The following DROSHA variants were observed in gnomAD, a reference collection of about 807,000 sequenced individuals.
DROSHA encodes the protein ribonuclease 3.
A neutral mutation model predicts 181.9 loss-of-function variants in DROSHA; 56 were observed. The observed-to-expected ratio is 0.31, with a 90% CI of 0.25 to 0.38. The LOEUF (loss-of-function observed/expected upper bound fraction) is 0.38, where lower values mean the gene tolerates loss of function less well. Ranked by LOEUF, DROSHA falls within the 10% of genes least tolerant of loss-of-function variation. The pLI, the probability that DROSHA is intolerant of heterozygous loss-of-function variation, is 1.00. For synonymous variants in DROSHA, 524 were observed against 591.2 expected (o/e 0.89, Z 1.65); for missense variants, 1,218 against 1,743.5 (o/e 0.70, Z 5.37).
rs543495861 is a variant in DROSHA at position 31,469,399 on chromosome 5, A to G, written c.2242-1336T>C. ...AAAAAAAAAACCCCTCAAACTTTTTAAGTGTCATTTAACAAACAAAATGTC... is the reference window on the plus strand; with the variant it reads ...AAAAAAAAAACCCCTCAAACTTTTTGAGTGTCATTTAACAAACAAAATGTC... On this transcript the variant is annotated intron_variant, in intron 17 of 35. Coordinates refer to ENST00000344624, the MANE Select transcript of DROSHA (RefSeq NM_001382508.1). 3.0e-3 allele frequency among the ~76,000 whole-genome samples: 462 copies of G among 152,286 alleles called. 1 individual carries two copies. The highest frequency in any genetic ancestry group is 4.8e-3 in the Non-Finnish European group (326 of 68,014).
chr5:31,502,278 T>TC (rs779517551), intron 11 of DROSHA, among the ~76,000 whole-genome samples: 14 of 152,238 alleles, frequency 9.2e-5, no homozygotes, highest in Admixed American at 6.5e-4. Flanking sequence ...GCCATATGTT[T>TC]CGGCAGATCC....
At position 31,409,739 on chromosome 5, in the gene DROSHA, T is replaced by C. The variant is rs73745744; in HGVS notation, c.3668-407A>G. On this transcript the variant is annotated intron_variant, in intron 31 of 35. Coordinates refer to ENST00000344624, the MANE Select transcript of DROSHA (RefSeq NM_001382508.1). The surrounding 1 kb of genome is among the most constrained non-coding windows in gnomAD (Gnocchi z 4.0). ...GCCATTTTCAACACCAATCCTGAGATCCCCTGTTTTTAAGGATTCTATGTT... is the reference window on the plus strand; with the variant it reads ...GCCATTTTCAACACCAATCCTGAGACCCCCTGTTTTTAAGGATTCTATGTT... Among the ~76,000 whole-genome samples, 3,899 of 152,258 alleles carry C rather than the reference T, an allele frequency of 0.026. 162 individuals carry two copies. The highest frequency in any genetic ancestry group is 0.087 in the African/African-American group (3,626 of 41,530).
chr5:31,458,105 A>G (rs754161940), intron 20 of DROSHA, among the ~76,000 whole-genome samples: 2 of 152,230 alleles, frequency 1.3e-5, no homozygotes, highest in Non-Finnish European at 2.9e-5. Context: ...TGACTTTACA[A>G]TGACATGTAA....
chr5:31,426,314 C>A (rs1300382333), intron 27 of DROSHA, among the ~76,000 whole-genome samples: 1 of 152,102 alleles, frequency 6.6e-6, no homozygotes, highest in Non-Finnish European at 1.5e-5. Flanking sequence ...TAGGCAAGGT[C>A]TCTACCTTTA....
At chr5:31,484,747 A>G (rs1312343325) in intron 15 of DROSHA, 134 bp downstream of exon 15, 3 of 653,630 alleles carry the variant, frequency 4.6e-6, no homozygotes, top group Non-Finnish European at 7.9e-6. Flanking sequence ...ATTCCTGTGA[A>G]TAACACTTTT....
At chr5:31,457,193 G>A (rs928753201) in intron 20 of DROSHA, among the ~76,000 whole-genome samples, 9 of 134,138 alleles carry the variant, frequency 6.7e-5, no homozygotes, top group South Asian at 4.8e-4. Flanking sequence ...GCGTGATCTC[G>A]GCTCATTGCA....
chr5:31,478,676 G>A (rs1290710560), intron 16 of DROSHA, among the ~76,000 whole-genome samples: 3 of 152,144 alleles, frequency 2.0e-5, no homozygotes, highest in African/African-American at 7.2e-5. Context: ...AGAGGTTGCA[G>A]TGAGCCGAGA....
At chr5:31,410,624 A>G in intron 31 of DROSHA, 122 bp downstream of exon 31, 1 of 1,399,012 alleles carries the variant, frequency 7.1e-7, no homozygotes, top group Non-Finnish European at 9.5e-7. Flanking sequence ...AGCATAAAAA[A>G]TTAAAATAGC....
At chr5:31,464,775 T>C (rs931687404) in intron 19 of DROSHA, among the ~76,000 whole-genome samples, 20 of 151,982 alleles carry the variant, frequency 1.3e-4, no homozygotes, top group African/African-American at 3.9e-4. Context: ...CAAACCCTTA[T>C]AAAAACTCTT....
intron 11 of DROSHA, among the ~76,000 whole-genome samples, chr5:31,502,483 C>A (rs921627669): frequency 6.6e-6 from 1 of 152,330 alleles, no homozygotes; most frequent in Non-Finnish European, 1.5e-5. Flanking sequence ...ATACCAGATA[C>A]ACATGTGGCC....
intron 11 of DROSHA, among the ~76,000 whole-genome samples, chr5:31,502,567 G>T (rs1167774149): frequency 6.6e-6 from 1 of 152,180 alleles, no homozygotes; most frequent in Non-Finnish European, 1.5e-5. Context: ...CCATCATAAG[G>T]CAGGAGTGGT....
intron 34 of DROSHA, 91 bp downstream of exon 34, chr5:31,406,762 A>G (rs1454483247): frequency 1.3e-5 from 15 of 1,190,238 alleles, no homozygotes; most frequent in Non-Finnish European, 1.8e-5. Flanking sequence ...TGAGTTAAAA[A>G]AGACAGATGA....
chr5:31,477,163 G>C (rs1208486839), intron 16 of DROSHA, among the ~76,000 whole-genome samples: 2 of 152,148 alleles, frequency 1.3e-5, no homozygotes, highest in African/African-American at 2.4e-5. Flanking sequence ...AGTCATTAAT[G>C]AACTGACAGA....
At chr5:31,529,978 C>T (rs1157343670) in intron 3 of DROSHA, among the ~76,000 whole-genome samples, 2 of 152,106 alleles carry the variant, frequency 1.3e-5, no homozygotes, top group African/African-American at 4.8e-5. Context: ...GTACAAAAAG[C>T]TGTAACATAG....
chr5:31,418,054 A>C (rs906981527), intron 30 of DROSHA, among the ~76,000 whole-genome samples: 1 of 152,166 alleles, frequency 6.6e-6, no homozygotes, highest in African/African-American at 2.4e-5. Flanking sequence ...TACATCCAGG[A>C]GACACCTGGG....
At chr5:31,446,650 A>G (rs1469411448) in intron 23 of DROSHA, among the ~76,000 whole-genome samples, 1 of 150,886 alleles carries the variant, frequency 6.6e-6, no homozygotes, top group Non-Finnish European at 1.5e-5. Context: ...AAGCCTGGGC[A>G]ACATAGCAAG....
intron 11 of DROSHA, among the ~76,000 whole-genome samples, chr5:31,500,405 C>T (rs568811804): frequency 2.0e-5 from 3 of 152,110 alleles, no homozygotes; most frequent in South Asian, 2.1e-4. Context: ...GATACAACAC[C>T]ACCAGGGTAT....
At chr5:31,420,506 A>G (rs1742535297) in intron 30 of DROSHA, among the ~76,000 whole-genome samples, 1 of 152,268 alleles carries the variant, frequency 6.6e-6, no homozygotes, top group South Asian at 2.1e-4. Context: ...AAATGAAACC[A>G]AAATAAGAGG....
chr5:31,478,539 G>A (rs1458925842), intron 16 of DROSHA, among the ~76,000 whole-genome samples: 27 of 152,152 alleles, frequency 1.8e-4, no homozygotes, highest in Admixed American at 1.7e-3. Flanking sequence ...TTCGAGACCA[G>A]CCTGACCAAC....
Sources: allele counts gnomAD v4.1 joint callset (sites outside exome capture counted in the v4.1 genomes callset), GRCh38; gene constraint gnomAD v4.1.1; non-coding constraint Gnocchi (gnomAD v3.1); transcripts MANE v1.5; gene names NCBI Gene and HGNC (gene_info 2026-07-23, HGNC 2026-07-21).